HPSE2: variants seen among roughly 807,000 people sequenced by gnomAD.
HPSE2 encodes heparanase 2 (inactive).
A neutral mutation model predicts 60.5 loss-of-function variants in HPSE2; 38 were observed. The ratio of observed to expected loss-of-function variants is 0.63; its 90% CI spans 0.48 to 0.82. HPSE2 has a LOEUF of 0.82. HPSE2 is among the 40% of genes least tolerant of loss of function. The pLI is 0.00. For missense variants in HPSE2, 713 were observed against 740.4 expected (o/e 0.96, Z 0.43); for synonymous variants, 295 against 293.2 (o/e 1.01, Z -0.06).
intron 3 of HPSE2, among the ~76,000 whole-genome samples, chr10:99,127,502 A>G (rs552283789): frequency 1.9e-4 from 29 of 152,330 alleles, no homozygotes; most frequent in African/African-American, 6.5e-4. Context: ...AATTATGTCA[A>G]ACAGACAAAC....
chr10:98,852,726 G>A (rs1952211447), intron 3 of HPSE2, among the ~76,000 whole-genome samples: 1 of 152,180 alleles, frequency 6.6e-6, no homozygotes, highest in Non-Finnish European at 1.5e-5. Flanking sequence ...AAGTCTTCTT[G>A]TATTGACTGT....
At chr10:98,663,516 G>A (rs1947279681) in intron 6 of HPSE2, among the ~76,000 whole-genome samples, 1 of 152,120 alleles carries the variant, frequency 6.6e-6, no homozygotes, top group African/African-American at 2.4e-5. Flanking sequence ...AAACATGTTG[G>A]GATCCAACAA....
At chr10:99,172,684 C>G (rs188996190) in intron 2 of HPSE2, among the ~76,000 whole-genome samples, 1 of 152,206 alleles carries the variant, frequency 6.6e-6, no homozygotes, top group Non-Finnish European at 1.5e-5. Context: ...TCCAGACCAG[C>G]CTGGCCAACG....
chr10:98,714,202 G>A (rs537539359), intron 5 of HPSE2, among the ~76,000 whole-genome samples: 7 of 151,784 alleles, frequency 4.6e-5, no homozygotes, highest in East Asian at 1.9e-4. Context: ...ACTCTTAAAC[G>A]CTTTTTGGAA....
At chr10:99,124,070 T>C (rs1341734895) in intron 3 of HPSE2, among the ~76,000 whole-genome samples, 1 of 152,120 alleles carries the variant, frequency 6.6e-6, no homozygotes, top group Non-Finnish European at 1.5e-5. Flanking sequence ...GTAGCTCCTA[T>C]CCAATTTCAG....
At chr10:99,058,516 C>T (rs545783256) in intron 3 of HPSE2, among the ~76,000 whole-genome samples, 2 of 152,198 alleles carry the variant, frequency 1.3e-5, no homozygotes, top group African/African-American at 4.8e-5. Flanking sequence ...TCCAAATTTC[C>T]CAATACCAGC....
At chr10:98,633,216 G>A (rs12571208) in intron 7 of HPSE2, among the ~76,000 whole-genome samples, 13,197 of 151,140 alleles carry the variant, frequency 0.087, 1,368 homozygotes, top group African/African-American at 0.24. Context: ...TTTTATTTTT[G>A]GAAACAGGGT....
chr10:98,890,668 C>T (rs1953308953), intron 3 of HPSE2, among the ~76,000 whole-genome samples: 1 of 151,860 alleles, frequency 6.6e-6, no homozygotes, highest in Non-Finnish European at 1.5e-5. Flanking sequence ...AAACAAAAGA[C>T]AAAACCCTTC....
the HPSE2 span, among the ~76,000 whole-genome samples, chr10:99,281,198 T>C: frequency 6.7e-6 from 1 of 149,142 alleles, no homozygotes; most frequent in Non-Finnish European, 1.5e-5. Flanking sequence ...TAATTTTATA[T>C]TACATCTTAT....
At chr10:98,466,613 A>C (rs1940546163) in intron 11 of HPSE2, among the ~76,000 whole-genome samples, 2 of 150,330 alleles carry the variant, frequency 1.3e-5, no homozygotes, top group African/African-American at 4.9e-5. Flanking sequence ...TCCGTCTCAA[A>C]AAAAAAAAAA....
At chr10:98,819,154 T>C (rs1026998342) in intron 3 of HPSE2, among the ~76,000 whole-genome samples, 8 of 152,218 alleles carry the variant, frequency 5.3e-5, no homozygotes, top group Non-Finnish European at 8.8e-5. Flanking sequence ...ATGTTCCTTA[T>C]AGACTGAGGG....
intron 6 of HPSE2, among the ~76,000 whole-genome samples, chr10:98,687,011 C>A (rs1947934446): frequency 6.6e-6 from 1 of 152,142 alleles, no homozygotes; most frequent in African/African-American, 2.4e-5. Context: ...AGAAGTGTTT[C>A]TAAATTTCCA....
chr10:99,082,916 G>T (rs1046631970), intron 3 of HPSE2, among the ~76,000 whole-genome samples: 9 of 152,122 alleles, frequency 5.9e-5, no homozygotes, highest in African/African-American at 2.2e-4. Context: ...AAATAAAGAT[G>T]ATTTTTATAT....
chr10:98,596,542 TC>T, intron 9 of HPSE2, among the ~76,000 whole-genome samples: 1 of 152,060 alleles, frequency 6.6e-6, no homozygotes, highest in Non-Finnish European at 1.5e-5. Flanking sequence ...AATAATGAAC[TC>T]CCTTAGCTTT....
the HPSE2 span, among the ~76,000 whole-genome samples, chr10:99,281,604 G>C: frequency 6.6e-6 from 1 of 152,142 alleles, no homozygotes; most frequent in East Asian, 1.9e-4. Context: ...TGCTACTTGG[G>C]AAGTTTCTTT....
At chr10:99,301,557 C>G in the HPSE2 span, among the ~76,000 whole-genome samples, 2 of 152,184 alleles carry the variant, frequency 1.3e-5, no homozygotes, top group East Asian at 3.9e-4. Flanking sequence ...AACCTCTTTC[C>G]TTTGCAAATT....
At chr10:99,124,153 G>A (rs1236922970) in intron 3 of HPSE2, among the ~76,000 whole-genome samples, 4 of 152,212 alleles carry the variant, frequency 2.6e-5, no homozygotes, top group African/African-American at 9.6e-5. Flanking sequence ...GTGGAGAGGA[G>A]ACCTGGAGTG....
chr10:99,159,524 G>T (rs1442410131), intron 2 of HPSE2, among the ~76,000 whole-genome samples: 1 of 152,156 alleles, frequency 6.6e-6, no homozygotes, highest in African/African-American at 2.4e-5. Flanking sequence ...TAAAACTGGT[G>T]AAATATGAAT....
rs192684990 is a variant in HPSE2 at position 99,181,115 on chromosome 10, G to A, written c.449-36716C>T. On this transcript the variant is annotated intron_variant, in intron 2 of 11. Coordinates refer to ENST00000370552, the MANE Select transcript of HPSE2 (RefSeq NM_021828.5). Reference sequence around the variant, plus strand: ...AAATCATTCTACTATAAAGACACACGCGGCCGGGCGCGGTGGCTCACGCCT... The same window carrying A: ...AAATCATTCTACTATAAAGACACACACGGCCGGGCGCGGTGGCTCACGCCT... 1.2e-3 allele frequency among the ~76,000 whole-genome samples: 177 copies of A among 151,986 alleles called. 1 individual carries two copies. In the East Asian group the frequency reaches 0.024, roughly 21 times the overall value.
Sources: gnomAD v4.1 joint callset for allele counts (sites outside exome capture counted in the v4.1 genomes callset) on GRCh38, gnomAD v4.1.1 for gene constraint, MANE v1.5 for transcripts, NCBI Gene and HGNC (gene_info 2026-07-23, HGNC 2026-07-21) for gene names.